The following ZRANB3 variants were observed in gnomAD, a reference collection of about 807,000 sequenced individuals.
The protein encoded by ZRANB3 is zinc finger RANBP2-type containing 3.
A neutral mutation model predicts 133.8 loss-of-function variants in ZRANB3; 125 were observed. That is an observed-to-expected ratio of 0.93 (90% confidence interval 0.81 to 1.08). The LOEUF (loss-of-function observed/expected upper bound fraction) is 1.08, where lower values mean the gene tolerates loss of function less well. ZRANB3 is among the 50% of genes least tolerant of loss of function. The probability of loss-of-function intolerance (pLI) is 0.00; values close to 1 mark genes in which losing one functional copy is unlikely to be tolerated. For synonymous variants in ZRANB3, 387 were observed against 432.7 expected (o/e 0.89, Z 1.31); for missense variants, 1,229 against 1,275.5 (o/e 0.96, Z 0.56).
At chr2:135,350,275 T>C in intron 4 of ZRANB3, 60 bp from the exon 5 acceptor site, 4 of 1,267,976 alleles carry the variant, frequency 3.2e-6, no homozygotes, top group Non-Finnish European at 4.3e-6. Context: ...TCATGAACAA[T>C]ACAACTCTCT....
intron 8 of ZRANB3, among the ~76,000 whole-genome samples, chr2:135,299,663 A>T (rs752495681): frequency 3.3e-5 from 5 of 152,202 alleles, no homozygotes; most frequent in African/African-American, 2.4e-5. Context: ...AGAGACCTTG[A>T]TAATCTAATA....
chr2:135,362,674 G>A (rs534484152), intron 3 of ZRANB3, among the ~76,000 whole-genome samples: 2 of 152,004 alleles, frequency 1.3e-5, no homozygotes, highest in South Asian at 4.2e-4. Context: ...TTTTTTCCTA[G>A]ACATGGGTCT....
intron 6 of ZRANB3, among the ~76,000 whole-genome samples, chr2:135,325,469 T>C (rs1448123424): frequency 6.6e-6 from 1 of 152,110 alleles, no homozygotes; most frequent in African/African-American, 2.4e-5. Context: ...TAATCTTGGC[T>C]CACTGCAAGC....
chr2:135,227,391 T>G (rs191842770), intron 14 of ZRANB3, among the ~76,000 whole-genome samples: 1 of 152,358 alleles, frequency 6.6e-6, no homozygotes, highest in East Asian at 1.9e-4. Flanking sequence ...TTTTTAAAAA[T>G]ATGCCAATTA....
At chr2:135,431,957 G>GT (rs1190410982) in intron 2 of ZRANB3, among the ~76,000 whole-genome samples, 1 of 151,974 alleles carries the variant, frequency 6.6e-6, no homozygotes, top group Non-Finnish European at 1.5e-5. Flanking sequence ...CTTAAAAATT[G>GT]TTTAAAAAAA....
At chr2:135,294,748 C>T (rs148902978) in intron 8 of ZRANB3, among the ~76,000 whole-genome samples, 15,845 of 151,942 alleles carry the variant, frequency 0.1, 1,084 homozygotes, top group South Asian at 0.32. Context: ...CTATAAATTT[C>T]CCTCTACACA....
intron 2 of ZRANB3, among the ~76,000 whole-genome samples, chr2:135,406,646 G>A (rs1304744929): frequency 6.6e-6 from 1 of 152,174 alleles, no homozygotes; most frequent in African/African-American, 2.4e-5. Context: ...CTTCATCCCT[G>A]GGATGCAAGG....
In ZRANB3 at chr2:135,327,765, G is replaced by C. The variant is rs186797670; in HGVS notation, c.678-12235C>G. 3.5e-4 allele frequency among the ~76,000 whole-genome samples: 54 copies of C among 152,134 alleles called. No homozygotes were observed. In the East Asian group the frequency reaches 9.9e-3, roughly 28 times the overall value. On this transcript the variant is annotated intron_variant, in intron 6 of 20. Transcript: ENST00000264159. ...AAATGGACATACTATCATCTGCCTT[G>C]TAGGATTGTTAAAGGAATTAAAGAT...
chr2:135,406,755 T>G (rs1461198274), intron 2 of ZRANB3, among the ~76,000 whole-genome samples: 1 of 152,164 alleles, frequency 6.6e-6, no homozygotes, highest in African/African-American at 2.4e-5. Context: ...GAAAAGGCCT[T>G]TGACAAAATT....
intron 12 of ZRANB3, among the ~76,000 whole-genome samples, chr2:135,235,210 A>G (rs897913670): frequency 1.3e-5 from 2 of 152,354 alleles, no homozygotes; most frequent in South Asian, 2.1e-4. Context: ...ATTCCTCAAC[A>G]CATACACCCT....
intron 10 of ZRANB3, among the ~76,000 whole-genome samples, chr2:135,270,986 C>T (rs1680484783): frequency 6.6e-6 from 1 of 152,150 alleles, no homozygotes; most frequent in African/African-American, 2.4e-5. Flanking sequence ...AACATAACAC[C>T]CAATTTTTAG....
At chr2:135,239,948 A>T (rs1291169001) in intron 12 of ZRANB3, among the ~76,000 whole-genome samples, 1 of 150,830 alleles carries the variant, frequency 6.6e-6, no homozygotes, top group African/African-American at 2.4e-5. Context: ...ACACCACTGC[A>T]CTCCAGCCTG....
intron 3 of ZRANB3, among the ~76,000 whole-genome samples, chr2:135,377,516 C>T (rs1159338820): frequency 1.3e-5 from 2 of 151,928 alleles, no homozygotes; most frequent in African/African-American, 4.8e-5. Context: ...CTCAAAAACC[C>T]AAACCAAAAC....
intron 8 of ZRANB3, among the ~76,000 whole-genome samples, chr2:135,291,689 C>G (rs1395818454): frequency 6.6e-6 from 1 of 151,730 alleles, no homozygotes; most frequent in East Asian, 1.9e-4. Flanking sequence ...TGGTGTGCTG[C>G]ACCCATTAAC....
chr2:135,203,031 T>C, intron 19 of ZRANB3, 68 bp from the exon 20 acceptor site: 5 of 1,544,948 alleles, frequency 3.2e-6, no homozygotes, highest in Non-Finnish European at 4.4e-6. Context: ...GGTTTTGCAT[T>C]GTGCAATCAT....
intron 1 of ZRANB3, among the ~76,000 whole-genome samples, chr2:135,528,649 A>G (rs1329809993): frequency 1.4e-5 from 2 of 147,632 alleles, no homozygotes; most frequent in African/African-American, 2.5e-5. Context: ...ACAAACAAAT[A>G]AAAAAAAAAA....
intron 1 of ZRANB3, among the ~76,000 whole-genome samples, chr2:135,508,090 G>T (rs554545012): frequency 4.0e-4 from 61 of 152,198 alleles, no homozygotes; most frequent in African/African-American, 1.4e-3. Flanking sequence ...CCACTTACAT[G>T]ATTTATTTTT....
intron 3 of ZRANB3, among the ~76,000 whole-genome samples, chr2:135,390,374 A>G (rs564299409): frequency 6.6e-6 from 1 of 152,326 alleles, no homozygotes; most frequent in East Asian, 1.9e-4. Flanking sequence ...ATTTAAATCT[A>G]TCAGATTGTT....
At chr2:135,482,931 A>G (rs1408709639) in intron 2 of ZRANB3, among the ~76,000 whole-genome samples, 6 of 151,696 alleles carry the variant, frequency 4.0e-5, no homozygotes, top group South Asian at 2.1e-4. Context: ...ATTGATTTGC[A>G]TATATTGAAC....
Sources: gnomAD v4.1 joint callset for allele counts (sites outside exome capture counted in the v4.1 genomes callset) on GRCh38, gnomAD v4.1.1 for gene constraint, MANE v1.5 for transcripts, NCBI Gene and HGNC (gene_info 2026-07-23, HGNC 2026-07-21) for gene names.